PTPRB: variants seen among roughly 807,000 people sequenced by gnomAD.
PTPRB encodes protein tyrosine phosphatase receptor type B, also known as receptor-type tyrosine-protein phosphatase beta.
Under a neutral mutation model 238.1 loss-of-function variants are expected in PTPRB, and 97 were observed. The ratio of observed to expected loss-of-function variants is 0.41; its 90% CI spans 0.35 to 0.48. The LOEUF (loss-of-function observed/expected upper bound fraction) is 0.48, where lower values mean the gene tolerates loss of function less well. Among genes scored for constraint, PTPRB ranks in the 20% least tolerant of loss-of-function variants. The pLI, the probability that PTPRB is intolerant of heterozygous loss-of-function variation, is 0.30. For synonymous variants in PTPRB, 970 were observed against 995.4 expected (o/e 0.97, Z 0.48); for missense variants, 2,292 against 2,681.9 (o/e 0.85, Z 3.21).
chr12:70,555,847 T>C (rs1877581343), intron 19 of PTPRB, 23 bp downstream of exon 19: 1 of 1,609,178 alleles, frequency 6.2e-7, no homozygotes, highest in Admixed American at 1.7e-5. Flanking sequence ...GGAGGCTCTG[T>C]GCGCACCTCC....
At chr12:70,563,225 C>T in intron 15 of PTPRB, 118 bp from the exon 16 acceptor site, 1 of 1,062,234 alleles carries the variant, frequency 9.4e-7, no homozygotes, top group East Asian at 2.6e-5. Flanking sequence ...ATACGGGAAA[C>T]AGTAACAATA....
intron 13 of PTPRB, among the ~76,000 whole-genome samples, chr12:70,570,312 C>A (rs1253583767): frequency 3.9e-5 from 6 of 152,064 alleles, no homozygotes; most frequent in African/African-American, 1.4e-4. Flanking sequence ...TACTAACCAG[C>A]CCATAGAGTT....
At chr12:70,603,496 A>C (rs770092112) in intron 4 of PTPRB, among the ~76,000 whole-genome samples, 7 of 152,238 alleles carry the variant, frequency 4.6e-5, no homozygotes, top group Non-Finnish European at 8.8e-5. Context: ...CTTAAAAATA[A>C]TATACTTTTC....
intron 28 of PTPRB, among the ~76,000 whole-genome samples, chr12:70,536,567 T>A (rs1874158234): frequency 6.6e-6 from 1 of 152,192 alleles, no homozygotes; most frequent in Non-Finnish European, 1.5e-5. Context: ...AGATATATCA[T>A]CCACAGGAAG....
intron 13 of PTPRB, 127 bp downstream of exon 13, chr12:70,570,899 C>T: frequency 1.0e-6 from 1 of 1,001,064 alleles, no homozygotes; most frequent in Non-Finnish European, 1.5e-6. Context: ...TCACTATCAA[C>T]ATGACTTTGT....
At chr12:70,598,986 C>G (rs370296604) in intron 4 of PTPRB, among the ~76,000 whole-genome samples, 6 of 152,202 alleles carry the variant, frequency 3.9e-5, no homozygotes, top group Admixed American at 3.3e-4. Flanking sequence ...GCCTGGGCTG[C>G]GAGAACCTGC....
chr12:70,637,423 G>A lies in PTPRB; in HGVS notation c.-28C>T, dbSNP rs374169530. Reference sequence around the variant, plus strand: ...TCCACTTAGCAACTGTTCATGCTTCGCTTGGGGAAAAAAAAAATTCTCCCA... The same window carrying A: ...TCCACTTAGCAACTGTTCATGCTTCACTTGGGGAAAAAAAAAATTCTCCCA... On this transcript the variant is annotated 5_prime_UTR_variant, in exon 1 of 34. Coordinates refer to ENST00000334414, the MANE Select transcript of PTPRB (RefSeq NM_001109754.4). The A allele has an allele frequency of 1.0e-5, 16 of 1,589,380 alleles. 1 individual carries two copies. In the South Asian group the frequency reaches 1.5e-4, roughly 15 times the overall value.
In PTPRB at chr12:70,635,871, A is replaced by G. The variant is rs777419300; in HGVS notation, c.251T>C (p.Leu84Ser). 6.2e-7 allele frequency: 1 copy of G among 1,613,852 alleles called. No individual in the cohort carries two copies. The highest frequency in any genetic ancestry group is 1.1e-5 in the South Asian group (1 of 91,054). ...SSRGPSRSAI[L>S]DRCSQAPRWT... ...TCGGGGTGCCTGGGAACAGCGGTCC[A>G]AGATGGCTGAGCGGGAGGGGCCGCG... The change falls in exon 2 of 34, where the codon TTG (leucine) becomes TCG (serine). Residue 84 changes from leucine to serine, a missense_variant. Transcript: ENST00000334414.
chr12:70,622,462 C>A lies in PTPRB; in HGVS notation c.636G>T (p.Leu212=), dbSNP rs764171951. 1 of 1,613,266 alleles carries A rather than the reference C, an allele frequency of 6.2e-7. No individual in the cohort carries two copies. Among genetic ancestry groups the A allele is most frequent in the African/African-American group, 1.3e-5 (1 of 74,878 alleles). Residue 212 remains leucine, a synonymous_variant, in exon 3 of 34, where the codon CTG becomes CTT. Transcript: ENST00000334414. ...QNSSERQHPN[L]HMTGITDTSW... is the part of the protein sequence containing the mutation. ...ATGTGTCTGTAATTCCAGTCATGTG[C>A]AGATTGGGATGCTGCCTCTCGCTGC... is the stretch of plus-strand genomic sequence containing the variant.
Position 70,553,093 on chromosome 12 carries a change from T to G in PTPRB, c.5144-73A>C. The G allele has an allele frequency of 3.3e-6, 5 of 1,498,504 alleles. No homozygotes were observed. In the South Asian group the frequency reaches 6.4e-5, roughly 19 times the overall value. 92.8% of individuals were successfully genotyped at this position (1,498,504 alleles called of 1,614,324 possible). On this transcript the variant is annotated intron_variant, in intron 20 of 33. Coordinates refer to ENST00000334414, the MANE Select transcript of PTPRB (RefSeq NM_001109754.4). ...GTGATTTCAGTGATTTTAAATTAGG[T>G]TTCTAAGGCTGCCTCCACATCCACT...
At chr12:70,530,532 G>A (rs570565939) in intron 32 of PTPRB, among the ~76,000 whole-genome samples, 50 of 152,064 alleles carry the variant, frequency 3.3e-4, no homozygotes, top group African/African-American at 1.2e-3. Context: ...ACATACATAT[G>A]TGTATATAAG....
At chr12:70,531,713 T>C (rs1281898740) in intron 32 of PTPRB, among the ~76,000 whole-genome samples, 1 of 151,882 alleles carries the variant, frequency 6.6e-6, no homozygotes, top group Non-Finnish European at 1.5e-5. Flanking sequence ...ATACACTCCC[T>C]TGGGGTCTCC....
intron 2 of PTPRB, among the ~76,000 whole-genome samples, chr12:70,626,369 TCCTGCCTGCCTGCCTG>T (rs757749640): frequency 1.6e-5 from 2 of 124,508 alleles, no homozygotes; most frequent in East Asian, 2.5e-4. Flanking sequence ...CTATCTATAT[TCCTGCCTGCCTGCCTG>T]CCTGCCTGCC....
chr12:70,528,446 C>T (rs1872710195), intron 32 of PTPRB, among the ~76,000 whole-genome samples: 1 of 151,656 alleles, frequency 6.6e-6, no homozygotes, highest in African/African-American at 2.4e-5. Context: ...AGGCAGGAGA[C>T]CCATTAGGAG....
intron 16 of PTPRB, 35 bp downstream of exon 16, chr12:70,562,809 C>G (rs1326651924): frequency 6.3e-7 from 1 of 1,599,964 alleles, no homozygotes; most frequent in East Asian, 2.2e-5. Flanking sequence ...GGACAATTCC[C>G]CCACGATTCA....
chr12:70,556,537 G>A (rs1366686360), intron 18 of PTPRB, among the ~76,000 whole-genome samples: 1 of 152,016 alleles, frequency 6.6e-6, no homozygotes, highest in Admixed American at 6.6e-5. Flanking sequence ...AACCACAAAA[G>A]GTGTATCCTA....
At chr12:70,547,960 C>G (rs985256996) in intron 21 of PTPRB, among the ~76,000 whole-genome samples, 3 of 152,154 alleles carry the variant, frequency 2.0e-5, no homozygotes, top group Admixed American at 1.3e-4. Flanking sequence ...TGAACGAAAA[C>G]TGAACTTCAT....
At chr12:70,567,769 C>A (rs531053470) in intron 14 of PTPRB, among the ~76,000 whole-genome samples, 2 of 152,318 alleles carry the variant, frequency 1.3e-5, no homozygotes, top group Admixed American at 6.5e-5. Context: ...TTCCAAAACA[C>A]CTTCACAGGC....
chr12:70,589,884 G>A, intron 8 of PTPRB, 80 bp downstream of exon 8: 2 of 1,385,784 alleles, frequency 1.4e-6, no homozygotes, highest in South Asian at 2.6e-5. Context: ...GATATTAGCA[G>A]TTACGGCAGT....
Sources: allele counts gnomAD v4.1 joint callset (sites outside exome capture counted in the v4.1 genomes callset), GRCh38; gene constraint gnomAD v4.1.1; transcripts MANE v1.5; gene names NCBI Gene and HGNC (gene_info 2026-07-23, HGNC 2026-07-21).